RAB27B: variants seen among roughly 807,000 people sequenced by gnomAD.
RAB27B encodes RAB27B, member RAS oncogene family.
Under a neutral mutation model 24.6 loss-of-function variants are expected in RAB27B, and 15 were observed. That is an observed-to-expected ratio of 0.61 (90% CI 0.41 to 0.94). The LOEUF (loss-of-function observed/expected upper bound fraction) is 0.94. Among genes scored for constraint, RAB27B ranks in the 40% least tolerant of loss-of-function variants. RAB27B has a pLI of 0.00. For synonymous variants in RAB27B, 105 were observed against 92.5 expected, an observed-to-expected ratio of 1.14 and a Z score of -0.78; for missense variants, 261 against 266.8, an observed-to-expected ratio of 0.98 and a Z score of 0.15.
rs1015667092 is a variant in RAB27B, at chr18:54,726,708, T to A, written c.-20+8567T>A. Among the ~76,000 whole-genome samples, 3 of 151,780 alleles carry A rather than the reference T, an allele frequency of 2.0e-5. No homozygotes were observed. The South Asian group carries it at 6.3e-4, about 32-fold the overall frequency. On this transcript the variant is annotated intron_variant, in intron 2 of 4. Transcript: ENST00000586570. ...AGGTCCTTGTAAAACATATTATGAT[T>A]TATATGATTTTCTTTGTATAAACAC...
intron 2 of RAB27B, among the ~76,000 whole-genome samples, chr18:54,812,242 GCAAA>G (rs1363079187): frequency 2.6e-5 from 4 of 151,822 alleles, no homozygotes; most frequent in Admixed American, 6.6e-5. Context: ...TCAATAGTTG[GCAAA>G]CAGAAATGAA....
rs760305464 is a variant in RAB27B at position 54,877,564 on chromosome 18, C to G, written c.-19-3C>G. On this transcript the variant is annotated splice_region_variant and splice_polypyrimidine_tract_variant and intron_variant, in intron 1 of 5. Transcript: ENST00000262094. The stretch of plus-strand genomic sequence containing the variant: ...ACATACTTGTTTTCCCTCTCCTATA[C>G]AGACCGACCAAGACCATCACTATGA... The G allele has an allele frequency of 6.7e-7, 1 of 1,494,420 alleles. No homozygotes were observed. Among genetic ancestry groups the G allele is most frequent in the African/African-American group, 1.4e-5 (1 of 69,098 alleles). 92.6% of individuals were successfully genotyped at this position (1,494,420 alleles called of 1,614,324 possible).
chr18:54,854,135 G>A (rs1054825542), intron 1 of RAB27B, among the ~76,000 whole-genome samples: 6 of 152,084 alleles, frequency 3.9e-5, no homozygotes, highest in South Asian at 2.1e-4. Flanking sequence ...ATTTACATTC[G>A]TCTTTAGAAT....
chr18:54,752,655 G>T lies in RAB27B; in HGVS notation c.-20+34514G>T, dbSNP rs545936667. On this transcript the variant is annotated intron_variant, in intron 2 of 4. Transcript: ENST00000586570. The stretch of plus-strand genomic sequence containing the variant: ...CATTTAAAGTTACCTGTGGAAGGTA[G>T]GCAATTGACTGGAGCAGTAGGCAGC... Among the ~76,000 whole-genome samples the T allele has an allele frequency of 2.5e-4, 38 of 152,280 alleles. 1 individual carries two copies. The highest frequency in any genetic ancestry group is 8.7e-4 in the African/African-American group (36 of 41,560).
At chr18:54,751,702 G>A (rs1907837668) in intron 2 of RAB27B, among the ~76,000 whole-genome samples, 1 of 152,144 alleles carries the variant, frequency 6.6e-6, no homozygotes, top group South Asian at 2.1e-4. Context: ...GACTGACTAG[G>A]CAGGTAAATC....
At chr18:54,812,550 A>AACACACACACACACACACACACACAC (rs10595171) in intron 2 of RAB27B, among the ~76,000 whole-genome samples, 1 of 139,108 alleles carries the variant, frequency 7.2e-6, no homozygotes, top group Non-Finnish European at 1.6e-5. Context: ...GAACTCCTTT[A>AACACACACACACACACACACACACAC]ACACACACAC....
At chr18:54,773,767 C>G (rs1316506727) in intron 2 of RAB27B, among the ~76,000 whole-genome samples, 2 of 151,806 alleles carry the variant, frequency 1.3e-5, no homozygotes, top group Non-Finnish European at 2.9e-5. Context: ...CCTCTGCCTT[C>G]CAGGTTCAAG....
rs146343860 is a variant in RAB27B, at chr18:54,725,602, G to A, written c.-20+7461G>A. Among the ~76,000 whole-genome samples, 89 of 151,594 alleles carry A rather than the reference G, an allele frequency of 5.9e-4. 2 individuals are homozygous for A. Among genetic ancestry groups the A allele is most frequent in the African/African-American group, 2.1e-3 (87 of 41,430 alleles). On this transcript the variant is annotated intron_variant, in intron 2 of 4. Coordinates refer to the RAB27B transcript ENST00000586570. ...CTCACAGTTCGGCATGGCACGGGAG[G>A]CCTCAGGAAACTTGCAGTCATGGCA... is the stretch of plus-strand genomic sequence containing the variant.
intron 2 of RAB27B, chr18:54,745,304 C>A: frequency 5.5e-6 from 1 of 182,666 alleles, no homozygotes; most frequent in Admixed American, 5.3e-5. Flanking sequence ...CATCATCTCC[C>A]GTGAACGCCC....
chr18:54,757,091 C>A (rs1208695374), intron 2 of RAB27B, among the ~76,000 whole-genome samples: 1 of 152,136 alleles, frequency 6.6e-6, no homozygotes, highest in Admixed American at 6.6e-5. Flanking sequence ...GAGATGGAGA[C>A]CAGTGGTCCT....
At chr18:54,734,993 T>G (rs1413401440) in intron 2 of RAB27B, among the ~76,000 whole-genome samples, 3 of 152,134 alleles carry the variant, frequency 2.0e-5, no homozygotes, top group Non-Finnish European at 4.4e-5. Context: ...TTATGATTGG[T>G]TTGGGAAAAT....
At chr18:54,833,234 C>CTTTTTT (rs559070445) in intron 1 of RAB27B, among the ~76,000 whole-genome samples, 4,365 of 129,428 alleles carry the variant, frequency 0.034, 223 homozygotes, top group Admixed American at 0.068. Flanking sequence ...TTCTTTCTTT[C>CTTTTTT]TTTTTTTTTT....
chr18:54,880,447 G>C (rs1253847393), intron 3 of RAB27B: 1 of 152,158 alleles, frequency 6.6e-6, no homozygotes, highest in Non-Finnish European at 1.5e-5. Flanking sequence ...TCCAAATCCT[G>C]CATCGTGTGT....
chr18:54,776,388 C>A (rs369117404), intron 2 of RAB27B, among the ~76,000 whole-genome samples: 1 of 152,318 alleles, frequency 6.6e-6, no homozygotes, highest in Non-Finnish European at 1.5e-5. Flanking sequence ...CTGAGCCCTG[C>A]GTTGTGTAGG....
intron 3 of RAB27B, among the ~76,000 whole-genome samples, chr18:54,883,334 T>A (rs1421963809): frequency 6.6e-6 from 1 of 151,862 alleles, no homozygotes; most frequent in Non-Finnish European, 1.5e-5. Flanking sequence ...GTAAGAGGGG[T>A]CAAGAATAGA....
At chr18:54,737,900 A>G (rs1197866056) in intron 2 of RAB27B, among the ~76,000 whole-genome samples, 3 of 152,318 alleles carry the variant, frequency 2.0e-5, no homozygotes, top group Admixed American at 1.3e-4. Flanking sequence ...CAAATCAGCC[A>G]TAAAAAGAGG....
intron 1 of RAB27B, among the ~76,000 whole-genome samples, chr18:54,837,834 A>G (rs1313544744): frequency 6.6e-6 from 1 of 152,142 alleles, no homozygotes; most frequent in Non-Finnish European, 1.5e-5. Context: ...GTTCAATTGA[A>G]GGACATAATA....
chr18:54,825,000 A>G (rs2145173261), upstream of RAB27B, among the ~76,000 whole-genome samples: 1 of 152,220 alleles, frequency 6.6e-6, no homozygotes, highest in Middle Eastern at 3.4e-3. Flanking sequence ...GGGAACTGTT[A>G]CTTTAAAATG....
chr18:54,831,352 G>A (rs138053391), intron 1 of RAB27B, among the ~76,000 whole-genome samples: 1 of 152,254 alleles, frequency 6.6e-6, no homozygotes, highest in Non-Finnish European at 1.5e-5. Flanking sequence ...CACAGAGGGA[G>A]TGAGATGGGG....
Sources: gnomAD v4.1 joint callset for allele counts (sites outside exome capture counted in the v4.1 genomes callset) on GRCh38, gnomAD v4.1.1 for gene constraint, MANE v1.5 for transcripts, NCBI Gene and HGNC (gene_info 2026-07-23, HGNC 2026-07-21) for gene names.